SLC17A6: variants seen among roughly 807,000 people sequenced by gnomAD.
SLC17A6 encodes vesicular glutamate transporter 2.
A neutral mutation model predicts 67.1 loss-of-function variants in SLC17A6; 35 were observed. That is an observed-to-expected ratio of 0.52 (90% CI 0.40 to 0.69). The LOEUF is 0.69. SLC17A6 is among the 30% of genes least tolerant of loss of function. SLC17A6 has a pLI of 0.00. For missense variants in SLC17A6, 588 were observed against 723.9 expected (o/e 0.81, Z 2.15); for synonymous variants, 285 against 252.3 (o/e 1.13, Z -1.23).
chr11:22,360,352 A>C (rs1856037448), intron 4 of SLC17A6, among the ~76,000 whole-genome samples: 1 of 152,020 alleles, frequency 6.6e-6, no homozygotes, highest in Admixed American at 6.6e-5. Flanking sequence ...GGAGAGCATT[A>C]GGGAAAAGAG....
Position 22,341,752 on chromosome 11 carries a change from T to C in SLC17A6, c.311T>C (p.Ile104Thr), listed in dbSNP as rs1855818479. ...GTGGACATGGTCAACAACAGCACCA[T>C]CCACCGCGGGGGCAAGGTCATCAAG... is the stretch of plus-strand genomic sequence containing the variant. ...AIVDMVNNST[I>T]HRGGKVIKEK... Residue 104 changes from isoleucine to threonine, a missense_variant, in exon 2 of 12, where the codon ATC becomes ACC. Ile to Thr is a moderately conservative substitution (Grantham distance 89, BLOSUM62 -1). Coordinates refer to ENST00000263160, the MANE Select transcript of SLC17A6 (RefSeq NM_020346.3). The C allele has an allele frequency of 6.2e-6, 10 of 1,614,024 alleles. No individual in the cohort carries two copies. Among genetic ancestry groups the C allele is most frequent in the Non-Finnish European group, 8.5e-6 (10 of 1,180,034 alleles).
At chr11:22,365,400 G>A (rs1252689671) in intron 6 of SLC17A6, 147 bp from the exon 7 acceptor site, 9 of 925,444 alleles carry the variant, frequency 9.7e-6, no homozygotes, top group Non-Finnish European at 1.3e-5. Context: ...CAAAAGAGAA[G>A]AAAAGATGGC....
intron 3 of SLC17A6, among the ~76,000 whole-genome samples, chr11:22,346,098 T>G: frequency 6.6e-6 from 1 of 152,152 alleles, no homozygotes; most frequent in East Asian, 1.9e-4. Context: ...ATTGATCACT[T>G]AAGAATAGAA....
At chr11:22,363,589 T>A (rs1856076342) in intron 6 of SLC17A6, among the ~76,000 whole-genome samples, 1 of 152,164 alleles carries the variant, frequency 6.6e-6, no homozygotes, top group South Asian at 2.1e-4. Context: ...TAGAACAGTA[T>A]CTGGCTGCTT....
chr11:22,357,315 G>A (rs1447706201), intron 3 of SLC17A6, among the ~76,000 whole-genome samples: 1 of 152,184 alleles, frequency 6.6e-6, no homozygotes, highest in Admixed American at 6.5e-5. Context: ...CTAGCAAGTC[G>A]AATAAGCACT....
Position 22,378,033 on chromosome 11 carries a change from A to T in SLC17A6, c.*293A>T. On this transcript the variant is annotated 3_prime_UTR_variant, in exon 12 of 12. Coordinates refer to ENST00000263160, the MANE Select transcript of SLC17A6 (RefSeq NM_020346.3). ...ATTGGATTCATATGAGCTAAAACTC[A>T]TCACTATTTACTAAAGCACAACATC... 2.5e-6 allele frequency: 1 copy of T among 405,338 alleles called. No homozygotes were observed. The highest frequency in any genetic ancestry group is 4.4e-6 in the Non-Finnish European group (1 of 229,062). 25.1% of individuals were successfully genotyped at this position (405,338 alleles called of 1,614,324 possible).
intron 1 of SLC17A6, 123 bp from the exon 2 acceptor site, chr11:22,341,405 G>A (rs1168678212): frequency 2.2e-6 from 3 of 1,394,634 alleles, no homozygotes; most frequent in South Asian, 1.4e-5. Context: ...CCTAATCCCC[G>A]AGGGTGGGGG....
chr11:22,350,742 A>C (rs1411089584), intron 3 of SLC17A6, among the ~76,000 whole-genome samples: 3 of 152,176 alleles, frequency 2.0e-5, no homozygotes, highest in Non-Finnish European at 4.4e-5. Context: ...CTAACACCTT[A>C]GGTGCCAATT....
intron 3 of SLC17A6, among the ~76,000 whole-genome samples, chr11:22,345,373 A>T (rs936434336): frequency 1.3e-5 from 2 of 150,692 alleles, no homozygotes; most frequent in African/African-American, 4.9e-5. Flanking sequence ...GTGCAGTGGC[A>T]CGAACTGGGC....
In SLC17A6 at chr11:22,338,584, G is replaced by T; in HGVS notation, c.51G>T (p.Lys17Asn). 6.2e-7 allele frequency: 1 copy of T among 1,613,824 alleles called. No homozygotes were observed. The highest frequency in any genetic ancestry group is 1.1e-5 in the South Asian group (1 of 91,010). ...RILAPGKEGL[K>N]NFAGKSLGQI... is the part of the protein sequence containing the mutation. ...TGGCCCCAGGAAAAGAGGGGCTAAA[G>T]AATTTTGCTGGAAAATCACTCGGCC... Residue 17 changes from lysine (K) to asparagine (N), a missense_variant, in exon 1 of 12, where the codon AAG (lysine) becomes AAT (asparagine). By Grantham distance (94) the Lys-to-Asn change is moderately conservative. Coordinates refer to ENST00000263160, the MANE Select transcript of SLC17A6 (RefSeq NM_020346.3).
At chr11:22,373,077 A>G (rs1039399640) in intron 8 of SLC17A6, among the ~76,000 whole-genome samples, 2 of 152,214 alleles carry the variant, frequency 1.3e-5, no homozygotes, top group Non-Finnish European at 2.9e-5. Flanking sequence ...TGCTTTGCAC[A>G]CCCTTTGCTG....
At chr11:22,357,190 C>T (rs1002588570) in intron 3 of SLC17A6, among the ~76,000 whole-genome samples, 1 of 152,138 alleles carries the variant, frequency 6.6e-6, no homozygotes, top group Non-Finnish European at 1.5e-5. Flanking sequence ...TTAGTTTCTC[C>T]ATCTATAACA....
chr11:22,348,578 C>T (rs1222098911), intron 3 of SLC17A6, among the ~76,000 whole-genome samples: 1 of 152,084 alleles, frequency 6.6e-6, no homozygotes, highest in Non-Finnish European at 1.5e-5. Flanking sequence ...AGTTTGGGCT[C>T]TTAGAACTAA....
At chr11:22,359,185 T>C (rs1486495710) in intron 3 of SLC17A6, among the ~76,000 whole-genome samples, 1 of 152,202 alleles carries the variant, frequency 6.6e-6, no homozygotes, top group African/African-American at 2.4e-5. Flanking sequence ...ATGTATTGAC[T>C]CCTTTTATTT....
At chr11:22,343,490 C>G in intron 3 of SLC17A6, 125 bp downstream of exon 3, 1 of 697,990 alleles carries the variant, frequency 1.4e-6, no homozygotes, top group Non-Finnish European at 2.4e-6. Context: ...GTCTTCTAGT[C>G]CCTTGACACA....
At chr11:22,366,899 G>A (rs543101349) in intron 7 of SLC17A6, among the ~76,000 whole-genome samples, 6 of 150,656 alleles carry the variant, frequency 4.0e-5, no homozygotes, top group African/African-American at 7.3e-5. Context: ...CCAGCCACTC[G>A]GAAGGCTAAG....
Position 22,377,958 on chromosome 11 carries a change from T to G in SLC17A6, c.*218T>G. On this transcript the variant is annotated 3_prime_UTR_variant, in exon 12 of 12. Coordinates refer to ENST00000263160, the MANE Select transcript of SLC17A6 (RefSeq NM_020346.3). The stretch of plus-strand genomic sequence containing the variant: ...CCATTCAAGTCATCCATTCTTGCAT[T>G]TGTGACTTAAAGGTTGACTGGTCAA... The G allele has an allele frequency of 1.9e-6, 1 of 520,116 alleles. No individual in the cohort carries two copies. Among genetic ancestry groups the G allele is most frequent in the East Asian group, 3.1e-5 (1 of 32,660 alleles). 32.2% of individuals were successfully genotyped at this position (520,116 alleles called of 1,614,324 possible).
intron 8 of SLC17A6, among the ~76,000 whole-genome samples, chr11:22,373,145 A>G (rs998242750): frequency 4.6e-5 from 7 of 152,188 alleles, no homozygotes; most frequent in African/African-American, 1.2e-4. Context: ...AGTCAAAATG[A>G]TTGTTCAAAT....
chr11:22,339,189 A>T (rs1427200616), intron 1 of SLC17A6, among the ~76,000 whole-genome samples: 1 of 135,020 alleles, frequency 7.4e-6, no homozygotes, highest in African/African-American at 2.7e-5. Context: ...TTTTATATAT[A>T]TATATATATA....
Sources: gnomAD v4.1 joint callset for allele counts (sites outside exome capture counted in the v4.1 genomes callset) on GRCh38, gnomAD v4.1.1 for gene constraint, MANE v1.5 for transcripts, NCBI Gene and HGNC (gene_info 2026-07-23, HGNC 2026-07-21) for gene names.